PCBP3: variants seen among roughly 807,000 people sequenced by gnomAD.
PCBP3 encodes poly(rC) binding protein 3.
PCBP3 carries 25 observed loss-of-function variants against 52.7 expected under a neutral mutation model. The observed-to-expected ratio is 0.47, with a 90% CI of 0.35 to 0.66. The LOEUF (loss-of-function observed/expected upper bound fraction) is 0.66. Ranked by LOEUF, PCBP3 falls within the 30% of genes least tolerant of loss-of-function variation. The pLI is 0.01. For missense variants in PCBP3, 391 were observed against 490.3 expected (o/e 0.80, Z 1.91); for synonymous variants, 162 against 183.0 (o/e 0.89, Z 0.93).
intron 2 of PCBP3, among the ~76,000 whole-genome samples, chr21:45,672,247 C>G (rs1473427743): frequency 6.6e-6 from 1 of 152,176 alleles, no homozygotes; most frequent in African/African-American, 2.4e-5. Flanking sequence ...AAGATCCTCA[C>G]TAGATTCTCC....
At chr21:45,883,802 A>G (rs1485843673) in intron 5 of PCBP3, among the ~76,000 whole-genome samples, 1 of 152,224 alleles carries the variant, frequency 6.6e-6, no homozygotes, top group East Asian at 1.9e-4. Context: ...TGTAGACAGC[A>G]TATGATGGGG....
chr21:45,895,264 C>T (rs939491294), intron 5 of PCBP3, among the ~76,000 whole-genome samples: 1 of 152,230 alleles, frequency 6.6e-6, no homozygotes, highest in African/African-American at 2.4e-5. Context: ...TGACTTTTAA[C>T]CCATAGCCGC....
intron 4 of PCBP3, among the ~76,000 whole-genome samples, chr21:45,770,011 G>A (rs1344514771): frequency 1.3e-5 from 2 of 152,180 alleles, no homozygotes; most frequent in African/African-American, 4.8e-5. Context: ...GCACACAGTG[G>A]GCCGTGGAGA....
In PCBP3 at chr21:45,799,452, C is replaced by T. The variant is rs140398063; in HGVS notation, c.-126+44000C>T. 6.0e-3 allele frequency among the ~76,000 whole-genome samples: 920 copies of T among 152,270 alleles called. 5 individuals are homozygous for T. Among genetic ancestry groups the T allele is most frequent in the Non-Finnish European group, 8.7e-3 (595 of 68,004 alleles). ...GTTCTGTTTTATTATTGTTAATCTT[C>T]CTCTGTACCTAATTTATACATTAAA... On this transcript the variant is annotated intron_variant, in intron 4 of 17. Coordinates refer to ENST00000681687, the MANE Select transcript of PCBP3 (RefSeq NM_001384156.1).
chr21:45,815,433 G>GA (rs1223285237), intron 4 of PCBP3, among the ~76,000 whole-genome samples: 74 of 100,624 alleles, frequency 7.4e-4, no homozygotes, highest in East Asian at 1.4e-3. Context: ...AGTGGTGAGT[G>GA]GTGAGTCAGT....
intron 13 of PCBP3, among the ~76,000 whole-genome samples, chr21:45,927,843 C>T (rs432338): frequency 0.2 from 30,256 of 152,036 alleles, 3,732 homozygotes; most frequent in Non-Finnish European, 0.28. Flanking sequence ...ACAAGCTGAG[C>T]CATCTTGGAG....
intron 5 of PCBP3, chr21:45,859,911 A>G (rs2094447949): frequency 5.9e-5 from 9 of 152,258 alleles, no homozygotes; most frequent in South Asian, 2.1e-4. Context: ...CCTGGGGAAC[A>G]CAGAGGGCCG....
intron 5 of PCBP3, among the ~76,000 whole-genome samples, chr21:45,890,844 T>C: frequency 6.6e-6 from 1 of 151,142 alleles, no homozygotes; most frequent in Non-Finnish European, 1.5e-5. Context: ...CCTGGAACTC[T>C]GCACTGCTGC....
At chr21:45,836,168 C>G (rs771984027) in intron 4 of PCBP3, 5 of 152,234 alleles carry the variant, frequency 3.3e-5, no homozygotes, top group Non-Finnish European at 7.3e-5. Flanking sequence ...GTCAGCAGAC[C>G]TGTGGGGGAT....
chr21:45,792,873 G>A (rs1198046397), intron 4 of PCBP3, among the ~76,000 whole-genome samples: 1 of 152,208 alleles, frequency 6.6e-6, no homozygotes, highest in African/African-American at 2.4e-5. Context: ...CAGGCAGTCA[G>A]AAGTTGTGTC....
intron 4 of PCBP3, among the ~76,000 whole-genome samples, chr21:45,836,058 A>G (rs938107010): frequency 2.0e-5 from 3 of 152,122 alleles, no homozygotes; most frequent in African/African-American, 7.2e-5. Flanking sequence ...CCGAGATGAC[A>G]AGGAGTCCAG....
intron 2 of PCBP3, among the ~76,000 whole-genome samples, chr21:45,691,862 A>T (rs921881169): frequency 1.3e-5 from 2 of 152,180 alleles, no homozygotes; most frequent in Non-Finnish European, 2.9e-5. Flanking sequence ...AGTCCCCAGC[A>T]CAAGGCTTGT....
intron 5 of PCBP3, among the ~76,000 whole-genome samples, chr21:45,864,681 G>A (rs905114380): frequency 2.6e-5 from 4 of 152,136 alleles, no homozygotes; most frequent in African/African-American, 7.2e-5. Flanking sequence ...TGGGAAAAAT[G>A]TTCCCAGAAA....
rs2093002444 is a variant in PCBP3, at chr21:45,817,530, C to T, written c.-125-32431C>T. ...CCATATTCCAGCTGCTGCCGCAGCCCCCATGCTTGCCTTTTGTCCTCAGCC... is the reference window on the plus strand; with the variant it reads ...CCATATTCCAGCTGCTGCCGCAGCCTCCATGCTTGCCTTTTGTCCTCAGCC... On this transcript the variant is annotated intron_variant, in intron 4 of 17. Coordinates refer to ENST00000681687, the MANE Select transcript of PCBP3 (RefSeq NM_001384156.1). This position sits in a 1 kb window ranked among gnomAD's most constrained non-coding sequence, Gnocchi z 4.3. Among the ~76,000 whole-genome samples the T allele has an allele frequency of 6.6e-6, 1 of 152,210 alleles. No homozygotes were observed. The highest frequency in any genetic ancestry group is 2.4e-5 in the African/African-American group (1 of 41,440).
At chr21:45,921,516 G>A (rs2074427134) in intron 13 of PCBP3, among the ~76,000 whole-genome samples, 1 of 152,166 alleles carries the variant, frequency 6.6e-6, no homozygotes, top group Non-Finnish European at 1.5e-5. Context: ...AATCATCTGG[G>A]CTGGGCATGG....
At chr21:45,793,522 A>G (rs2091746037) in intron 4 of PCBP3, among the ~76,000 whole-genome samples, 1 of 152,056 alleles carries the variant, frequency 6.6e-6, no homozygotes, top group African/African-American at 2.4e-5. Flanking sequence ...AGGGGAAGAT[A>G]ATGGAGACAT....
At chr21:45,718,180 T>G (rs1419397618) in intron 2 of PCBP3, among the ~76,000 whole-genome samples, 2 of 151,938 alleles carry the variant, frequency 1.3e-5, no homozygotes, top group East Asian at 3.9e-4. Context: ...CTTTCATTCC[T>G]AATTTTAATA....
intron 1 of PCBP3, among the ~76,000 whole-genome samples, chr21:45,649,657 T>A (rs1454289306): frequency 3.9e-5 from 6 of 152,192 alleles, no homozygotes; most frequent in Non-Finnish European, 4.4e-5. Flanking sequence ...TTCTTAAATC[T>A]TTTATTGATC....
At position 45,785,464 on chromosome 21, in the gene PCBP3, T is replaced by TG. The variant is rs1367574044; in HGVS notation, c.-126+30019dup. Among the ~76,000 whole-genome samples, 15 of 94,290 alleles carry TG rather than the reference T, an allele frequency of 1.6e-4. 1 individual carries two copies. Among genetic ancestry groups the TG allele is most frequent in the South Asian group, 7.5e-4 (2 of 2,666 alleles). The allele number at this position is 94,290 out of a possible 152,430, so 61.9% of individuals were successfully genotyped here. ...GCCAGCCGCCCCGTCTGGGAGGAGG[T>TG]GGGGGGGTCAGCCCCCCGCCTGGCC... On this transcript the variant is annotated intron_variant, in intron 4 of 17. Coordinates refer to ENST00000681687, the MANE Select transcript of PCBP3 (RefSeq NM_001384156.1).
Sources: allele counts gnomAD v4.1 joint callset (sites outside exome capture counted in the v4.1 genomes callset), GRCh38; gene constraint gnomAD v4.1.1; non-coding constraint Gnocchi (gnomAD v3.1); transcripts MANE v1.5; gene names NCBI Gene and HGNC (gene_info 2026-07-23, HGNC 2026-07-21).